HMGA2: variants seen among roughly 807,000 people sequenced by gnomAD.
HMGA2 encodes high mobility group AT-hook 2, also known as high mobility group protein HMGI-C.
Under a neutral mutation model 19.1 loss-of-function variants are expected in HMGA2, and 8 were observed. The ratio of observed to expected loss-of-function variants is 0.42; its 90% CI spans 0.25 to 0.76. HMGA2 has a LOEUF of 0.76. Among genes scored for constraint, HMGA2 ranks in the 30% least tolerant of loss-of-function variants. The pLI, the probability that HMGA2 is intolerant of heterozygous loss-of-function variation, is 0.28. For missense variants in HMGA2, 109 were observed against 136.3 expected (o/e 0.80, Z 1.00); for synonymous variants, 60 against 48.8 (o/e 1.23, Z -0.96).
At chr12:65,899,043 CAAAAAA>C (rs751128412) in intron 3 of HMGA2, among the ~76,000 whole-genome samples, 1 of 25,328 alleles carries the variant, frequency 3.9e-5, no homozygotes, top group African/African-American at 9.0e-5. Context: ...GACTCCGTCT[CAAAAAA>C]AAAAAAAAAA....
At chr12:65,937,479 C>T (rs1167026578) in intron 3 of HMGA2, among the ~76,000 whole-genome samples, 1 of 152,196 alleles carries the variant, frequency 6.6e-6, no homozygotes, top group African/African-American at 2.4e-5. Flanking sequence ...GACATTTAGT[C>T]GGCTTCCAGA....
chr12:65,919,108 A>T (rs1429903898), intron 3 of HMGA2, among the ~76,000 whole-genome samples: 1 of 152,184 alleles, frequency 6.6e-6, no homozygotes, highest in Non-Finnish European at 1.5e-5. Flanking sequence ...CATTTATCAG[A>T]CCTCACACAT....
At chr12:65,852,438 G>T (rs749815055) in intron 3 of HMGA2, among the ~76,000 whole-genome samples, 1 of 152,174 alleles carries the variant, frequency 6.6e-6, no homozygotes, top group Non-Finnish European at 1.5e-5. Context: ...GGGAGGTGGA[G>T]GTTGCAGTGA....
chr12:65,954,293 A>C lies in HMGA2; in HGVS notation c.282+2878A>C, dbSNP rs149467229. The C allele has an allele frequency of 2.0e-3, 306 of 152,332 alleles. 1 individual carries two copies. Among genetic ancestry groups the C allele is most frequent in the African/African-American group, 7.1e-3 (297 of 41,572 alleles). 9.4% of individuals were successfully genotyped at this position (152,332 alleles called of 1,614,324 possible). ...AAATTCTAGAATCCTGATTTATTCCAAAGTACTTCCTCTTTGACGTCAAGT... is the reference window on the plus strand; with the variant it reads ...AAATTCTAGAATCCTGATTTATTCCCAAGTACTTCCTCTTTGACGTCAAGT... On this transcript the variant is annotated intron_variant, in intron 4 of 4. Coordinates refer to ENST00000403681, the MANE Select transcript of HMGA2 (RefSeq NM_003483.6).
intron 3 of HMGA2, among the ~76,000 whole-genome samples, chr12:65,910,454 C>G (rs146541547): frequency 3.9e-5 from 6 of 152,352 alleles, no homozygotes; most frequent in Admixed American, 1.3e-4. Flanking sequence ...ACACCGTACT[C>G]ACTCCTCACA....
At chr12:65,947,509 C>G (rs182206657) in intron 3 of HMGA2, among the ~76,000 whole-genome samples, 9 of 152,286 alleles carry the variant, frequency 5.9e-5, no homozygotes, top group African/African-American at 2.2e-4. Flanking sequence ...CTCTCTTTCA[C>G]CCCATTGTAT....
At chr12:65,953,827 A>C (rs2121317444) in intron 4 of HMGA2, 1 of 152,360 alleles carries the variant, frequency 6.6e-6, no homozygotes, top group African/African-American at 2.4e-5. Flanking sequence ...AGGATAATGT[A>C]AATTTTACAC....
intron 3 of HMGA2, among the ~76,000 whole-genome samples, chr12:65,903,627 G>T (rs908165936): frequency 1.3e-5 from 2 of 151,838 alleles, no homozygotes; most frequent in African/African-American, 4.9e-5. Context: ...ATCACAGTGA[G>T]TATTTTTTTT....
At chr12:65,834,489 C>T (rs1427294187) in intron 2 of HMGA2, among the ~76,000 whole-genome samples, 1 of 151,936 alleles carries the variant, frequency 6.6e-6, no homozygotes, top group Non-Finnish European at 1.5e-5. Context: ...CATATAAACA[C>T]TTTTCCTTCC....
chr12:65,950,641 G>T (rs1038340526), intron 3 of HMGA2, among the ~76,000 whole-genome samples: 13 of 152,130 alleles, frequency 8.5e-5, no homozygotes, highest in African/African-American at 3.1e-4. Context: ...TTAGACTGTG[G>T]TGATGGTTGC....
At chr12:65,943,969 A>G (rs1876176160) in intron 3 of HMGA2, among the ~76,000 whole-genome samples, 1 of 152,192 alleles carries the variant, frequency 6.6e-6, no homozygotes, top group Non-Finnish European at 1.5e-5. Context: ...TTCCCAACTT[A>G]GGAAGCACTA....
At chr12:65,889,754 C>T (rs1173147576) in intron 3 of HMGA2, among the ~76,000 whole-genome samples, 3 of 152,212 alleles carry the variant, frequency 2.0e-5, no homozygotes, top group African/African-American at 7.2e-5. Flanking sequence ...ACTCTGTTAT[C>T]ATCCTCATTT....
rs146084951 is a variant in HMGA2 at position 65,894,194 on chromosome 12, C to G, written c.249+55625C>G. Among the ~76,000 whole-genome samples the G allele has an allele frequency of 2.6e-3, 402 of 152,252 alleles. 4 individuals are homozygous for G. Among genetic ancestry groups the G allele is most frequent in the African/African-American group, 9.0e-3 (375 of 41,538 alleles). ...CTATTTTAAATAGAAAATCAGATTG[C>G]AGTTTGAAAAACTTAGTTTTAAAAC... On this transcript the variant is annotated intron_variant, in intron 3 of 4. Coordinates refer to ENST00000403681, the MANE Select transcript of HMGA2 (RefSeq NM_003483.6).
chr12:65,898,524 A>G (rs1003009628), intron 3 of HMGA2, among the ~76,000 whole-genome samples: 10 of 152,272 alleles, frequency 6.6e-5, no homozygotes, highest in African/African-American at 2.4e-4. Flanking sequence ...CAGTGAAGAA[A>G]ACATCATGCA....
chr12:65,853,535 G>A lies in HMGA2; in HGVS notation c.249+14966G>A, dbSNP rs548931434. Among the ~76,000 whole-genome samples, 44 of 152,226 alleles carry A rather than the reference G, an allele frequency of 2.9e-4. No homozygotes were observed. In the South Asian group the frequency reaches 4.0e-3, roughly 14 times the overall value. ...TTTCAGTATTCTAATAAAATCAGCCGCAGTGATCCATATGGGATTTGTAGA... is the reference window on the plus strand; with the variant it reads ...TTTCAGTATTCTAATAAAATCAGCCACAGTGATCCATATGGGATTTGTAGA... On this transcript the variant is annotated intron_variant, in intron 3 of 4. Coordinates refer to ENST00000403681, the MANE Select transcript of HMGA2 (RefSeq NM_003483.6).
intron 3 of HMGA2, among the ~76,000 whole-genome samples, chr12:65,943,339 T>C (rs1307688686): frequency 6.6e-6 from 1 of 152,100 alleles, no homozygotes; most frequent in Non-Finnish European, 1.5e-5. Flanking sequence ...ATTCCAAAGG[T>C]GTCTGAAAGG....
chr12:65,915,564 A>G (rs1875069240), intron 3 of HMGA2: 2 of 1,083,976 alleles, frequency 1.8e-6, no homozygotes, highest in Admixed American at 9.4e-5. Context: ...ATGTAATATC[A>G]CATGACTTTC....
At position 65,828,076 on chromosome 12, in the gene HMGA2, G is replaced by T; in HGVS notation, c.187G>T (p.Ala63Ser). The T allele has an allele frequency of 6.2e-7, 1 of 1,612,852 alleles. No homozygotes were observed. The highest frequency in any genetic ancestry group is 8.5e-7 in the Non-Finnish European group (1 of 1,178,958). Residue 63 changes from alanine (A) to serine (S), a missense_variant, in exon 2 of 5, where the codon GCA (alanine) becomes TCA (serine). Physicochemically the swap from Ala to Ser is moderately conservative, Grantham distance 99. Coordinates refer to ENST00000403681, the MANE Select transcript of HMGA2 (RefSeq NM_003483.6). ...KGSKNKSPSK[A>S]AQKKAEATGE... ...CAGCAAAAACAAGAGTCCCTCTAAA[G>T]CAGCTCAAAAGGTGAGATTTCTCAA...
chr12:65,890,732 T>A (rs528863888), intron 3 of HMGA2, among the ~76,000 whole-genome samples: 18 of 151,536 alleles, frequency 1.2e-4, no homozygotes, highest in Non-Finnish European at 1.9e-4. Flanking sequence ...ATATTCTTTT[T>A]TTTTTTTTTT....
Sources: gnomAD v4.1 joint callset for allele counts (sites outside exome capture counted in the v4.1 genomes callset) on GRCh38, gnomAD v4.1.1 for gene constraint, MANE v1.5 for transcripts, NCBI Gene and HGNC (gene_info 2026-07-23, HGNC 2026-07-21) for gene names.